C14orf39: variants seen among roughly 807,000 people sequenced by gnomAD.
C14orf39 encodes the protein chromosome 14 open reading frame 39.
C14orf39 carries 66 observed loss-of-function variants against 85.6 expected under a neutral mutation model. The ratio of observed to expected loss-of-function variants is 0.77; its 90% confidence interval spans 0.63 to 0.95. C14orf39 has a LOEUF of 0.95. Ranked by LOEUF, C14orf39 falls within the 40% of genes least tolerant of loss-of-function variation. The probability of loss-of-function intolerance (pLI) is 0.00; values close to 1 mark genes in which losing one functional copy is unlikely to be tolerated. For synonymous variants in C14orf39, 242 were observed against 214.0 expected, an observed-to-expected ratio of 1.13 and a Z score of -1.14; for missense variants, 735 against 663.9, an observed-to-expected ratio of 1.11 and a Z score of -1.18.
At chr14:60,442,237 A>AGTAGACAT (rs1477145169) in intron 16 of C14orf39, 106 bp from the exon 17 acceptor site, 1 of 658,784 alleles carries the variant, frequency 1.5e-6, no homozygotes, top group Non-Finnish European at 2.6e-6. Context: ...ACAGAATTAA[A>AGTAGACAT]GTAGACATAT....
intron 5 of C14orf39, among the ~76,000 whole-genome samples, chr14:60,473,197 T>C (rs934640059): frequency 1.3e-5 from 2 of 152,222 alleles, no homozygotes; most frequent in South Asian, 2.1e-4. Flanking sequence ...GCTGCATAAA[T>C]GTCTTCTTTT....
chr14:60,472,720 C>T lies in C14orf39; in HGVS notation c.324-981G>A, dbSNP rs137870664. On this transcript the variant is annotated intron_variant, in intron 5 of 17. Coordinates refer to ENST00000321731, the MANE Select transcript of C14orf39 (RefSeq NM_174978.3). ...GTTTCCAGCTTCATCCTTGTCCCTACAAAGGACATGAACTCATCATTTTTT... is the reference window on the plus strand; with the variant it reads ...GTTTCCAGCTTCATCCTTGTCCCTATAAAGGACATGAACTCATCATTTTTT... 6.2e-3 allele frequency among the ~76,000 whole-genome samples: 938 copies of T among 152,260 alleles called. 20 individuals are homozygous for T. The highest frequency in any genetic ancestry group is 0.021 in the African/African-American group (886 of 41,550).
rs1299412220 is a variant in C14orf39, at chr14:60,456,913, C to T, written c.1358+4G>A. On this transcript the variant is annotated splice_donor_region_variant and intron_variant, in intron 15 of 17. Transcript: ENST00000321731. ...TTAACAATAGTTATTAATTAAAATC[C>T]TACATTTCGAACGGGGGGGTTTTAG... 4 of 1,553,902 alleles carry T rather than the reference C, an allele frequency of 2.6e-6. No individual in the cohort carries two copies. The East Asian group carries it at 6.9e-5, about 27-fold the overall frequency.
At chr14:60,468,077 G>A (rs1891883107) in intron 9 of C14orf39, among the ~76,000 whole-genome samples, 1 of 151,612 alleles carries the variant, frequency 6.6e-6, no homozygotes. Context: ...GGTCAAGGTG[G>A]ACAGGGTGAT....
In C14orf39 at chr14:60,509,978, C is replaced by T. The variant is rs1226402939; in HGVS notation, c.-144+5417G>A. Reference sequence around the variant, plus strand: ...GGCTGCAGCCAAGAACAGGTCGGTACCTAGAGGCCTCCGCGCTTTGAGCGC... The same window carrying T: ...GGCTGCAGCCAAGAACAGGTCGGTATCTAGAGGCCTCCGCGCTTTGAGCGC... On this transcript the variant is annotated intron_variant, in intron 1 of 5. Transcript: ENST00000556799. The T allele has an allele frequency of 2.5e-6, 4 of 1,591,582 alleles. No homozygotes were observed. The South Asian group carries it at 3.4e-5, about 14-fold the overall frequency.
intron 5 of C14orf39, among the ~76,000 whole-genome samples, chr14:60,477,815 G>C (rs1892455088): frequency 6.6e-6 from 1 of 152,066 alleles, no homozygotes; most frequent in Admixed American, 6.6e-5. Flanking sequence ...TAGGATTAGA[G>C]AGAGCTTTAC....
At position 60,509,983 on chromosome 14, in the gene C14orf39, A is replaced by G. The variant is rs552165959; in HGVS notation, c.-144+5412T>C. On this transcript the variant is annotated intron_variant, in intron 1 of 5. Coordinates refer to the C14orf39 transcript ENST00000556799. ...CAGCCAAGAACAGGTCGGTACCTAG[A>G]GGCCTCCGCGCTTTGAGCGCACCGG... 3.8e-6 allele frequency: 6 copies of G among 1,587,568 alleles called. No individual in the cohort carries two copies. The highest frequency in any genetic ancestry group is 2.3e-5 in the East Asian group (1 of 43,000).
chr14:60,438,111 T>A (rs1890343706), intron 17 of C14orf39, among the ~76,000 whole-genome samples: 1 of 151,954 alleles, frequency 6.6e-6, no homozygotes, highest in Admixed American at 6.6e-5. Context: ...TTAAGCAAAA[T>A]AATTTGCATC....
At chr14:60,478,144 A>G (rs1892475526) in intron 5 of C14orf39, among the ~76,000 whole-genome samples, 156 bp downstream of exon 5, 1 of 116,510 alleles carries the variant, frequency 8.6e-6, no homozygotes, top group Non-Finnish European at 1.6e-5. Flanking sequence ...ATGCCACTGC[A>G]CTCCAGCCTG....
At chr14:60,510,999 G>A in intron 1 of C14orf39, 1 of 1,409,350 alleles carries the variant, frequency 7.1e-7, no homozygotes. Context: ...TAGCCGCCGG[G>A]CTGGAGGGAC....
intron 9 of C14orf39, 138 bp from the exon 10 acceptor site, chr14:60,467,182 T>C (rs1891836767): frequency 5.5e-6 from 2 of 364,100 alleles, no homozygotes; most frequent in East Asian, 4.7e-5. Flanking sequence ...AAGAATTTAA[T>C]AGACTTGCCC....
intron 16 of C14orf39, among the ~76,000 whole-genome samples, chr14:60,452,042 C>A (rs1891060334): frequency 1.3e-5 from 2 of 150,944 alleles, no homozygotes; most frequent in African/African-American, 4.9e-5. Context: ...AAAAAATTAG[C>A]CAGGCATGGT....
At position 60,442,090 on chromosome 14, in the gene C14orf39, T is replaced by C. The variant is rs1215375414; in HGVS notation, c.1545A>G (p.Ser515=). 6.2e-7 allele frequency: 1 copy of C among 1,610,302 alleles called. No homozygotes were observed. Among genetic ancestry groups the C allele is most frequent in the Non-Finnish European group, 8.5e-7 (1 of 1,177,224 alleles). Residue 515 remains serine, a synonymous_variant, in exon 17 of 18, where the codon TCA becomes TCG. Transcript: ENST00000321731. ...ACAACTTACCAATCTCTTGCTCTGA[T>C]GACAGAGGATTTAGATTTCTTGCAG... ...HYSARNLNPL[S]SEQEIGNLLE... is the part of the protein sequence containing the mutation.
chr14:60,510,968 TG>T, intron 1 of C14orf39: 1 of 1,070,550 alleles, frequency 9.3e-7, no homozygotes, highest in Non-Finnish European at 1.4e-6. Context: ...CCTTAACTGC[TG>T]GGGTCTTCGG....
At chr14:60,487,640 G>A (rs80283296), upstream of C14orf39, among the ~76,000 whole-genome samples, 8,294 of 152,204 alleles carry the variant, frequency 0.054, 544 homozygotes, top group African/African-American at 0.16. Context: ...CTTTGGATAT[G>A]TATTCAAAAG....
intron 5 of C14orf39, among the ~76,000 whole-genome samples, chr14:60,476,625 G>A (rs1323723420): frequency 6.6e-6 from 1 of 152,178 alleles, no homozygotes; most frequent in Non-Finnish European, 1.5e-5. Flanking sequence ...AACAAACACT[G>A]TTAGAGAAGT....
chr14:60,446,593 G>C lies in C14orf39; in HGVS notation c.1504-4462C>G, dbSNP rs138942364. Among the ~76,000 whole-genome samples the C allele has an allele frequency of 5.6e-3, 849 of 152,228 alleles. 2 individuals carry two copies. The highest frequency in any genetic ancestry group is 0.018 in the African/African-American group (761 of 41,548). Reference sequence around the variant, plus strand: ...ACCAAAAAAAGTCCAGGACCAGACGGAATCACAACCAAATTCTACCACAGG... The same window carrying C: ...ACCAAAAAAAGTCCAGGACCAGACGCAATCACAACCAAATTCTACCACAGG... On this transcript the variant is annotated intron_variant, in intron 16 of 17. Transcript: ENST00000321731.
chr14:60,484,433 T>C lies in C14orf39; in HGVS notation c.106+448A>G, dbSNP rs1032134413. Among the ~76,000 whole-genome samples the C allele has an allele frequency of 2.4e-4, 36 of 152,304 alleles. No individual in the cohort carries two copies. Among genetic ancestry groups the C allele is most frequent in the Admixed American group, 2.0e-3 (31 of 15,304 alleles). On this transcript the variant is annotated intron_variant, in intron 3 of 17. Transcript: ENST00000321731. This position sits in a 1 kb window ranked among gnomAD's most constrained non-coding sequence, Gnocchi z 4.2. ...ATAGTTGTTTTGTTGGATCTTAAAA[T>C]ACTATACAGTATTTGTGTGATTTGC...
intron 5 of C14orf39, among the ~76,000 whole-genome samples, chr14:60,472,389 G>C (rs1310739298): frequency 6.6e-6 from 1 of 151,808 alleles, no homozygotes; most frequent in East Asian, 1.9e-4. Context: ...CTTGAAAAAG[G>C]ACATTAACCT....
Sources: allele counts gnomAD v4.1 joint callset (sites outside exome capture counted in the v4.1 genomes callset), GRCh38; gene constraint gnomAD v4.1.1; non-coding constraint Gnocchi (gnomAD v3.1); transcripts MANE v1.5; gene names NCBI Gene and HGNC (gene_info 2026-07-23, HGNC 2026-07-21).